C2CD3: variants seen among roughly 807,000 people sequenced by gnomAD.
The protein encoded by C2CD3 is C2 domain-containing protein 3.
A neutral mutation model predicts 234.0 loss-of-function variants in C2CD3; 148 were observed. That is an observed-to-expected ratio of 0.63 (90% CI 0.55 to 0.72). The LOEUF (loss-of-function observed/expected upper bound fraction) is 0.72. Ranked by LOEUF, C2CD3 falls within the 30% of genes least tolerant of loss-of-function variation. The pLI is 0.00. For missense variants in C2CD3, 2,577 were observed against 2,811.5 expected, an observed-to-expected ratio of 0.92 and a Z score of 1.89; for synonymous variants, 1,000 against 1,035.4, an observed-to-expected ratio of 0.97 and a Z score of 0.66.
chr11:74,044,958 T>G (rs976682463), intron 28 of C2CD3, among the ~76,000 whole-genome samples: 2 of 152,148 alleles, frequency 1.3e-5, no homozygotes, highest in Non-Finnish European at 2.9e-5. Flanking sequence ...CTTTTGTTAT[T>G]TGTGCTTTTG....
At chr11:74,140,444 C>T (rs143300735) in intron 3 of C2CD3, among the ~76,000 whole-genome samples, 3 of 152,294 alleles carry the variant, frequency 2.0e-5, no homozygotes, top group African/African-American at 7.2e-5. Context: ...TCACCATTTA[C>T]TGAACCTTTT....
At chr11:74,084,288 T>C (rs1955536076) in intron 22 of C2CD3, among the ~76,000 whole-genome samples, 1 of 152,028 alleles carries the variant, frequency 6.6e-6, no homozygotes, top group Non-Finnish European at 1.5e-5. Flanking sequence ...CCCCAGGGCC[T>C]GTCATGGGGT....
intron 11 of C2CD3, among the ~76,000 whole-genome samples, chr11:74,111,211 C>A (rs1208626189): frequency 6.6e-6 from 1 of 152,124 alleles, no homozygotes; most frequent in African/African-American, 2.4e-5. Flanking sequence ...TTCCTCTTTA[C>A]GTCCTGATAT....
chr11:74,147,314 G>A (rs898293154), intron 3 of C2CD3, among the ~76,000 whole-genome samples: 3 of 152,084 alleles, frequency 2.0e-5, no homozygotes, highest in African/African-American at 7.2e-5. Context: ...CTACTAGGAA[G>A]GCTGTCGTGG....
intron 24 of C2CD3, among the ~76,000 whole-genome samples, chr11:74,066,616 T>G (rs1954554782): frequency 6.6e-6 from 1 of 151,566 alleles, no homozygotes; most frequent in Non-Finnish European, 1.5e-5. Context: ...TGCTTTGATA[T>G]GTTTTCCTCA....
At position 74,084,495 on chromosome 11, in the gene C2CD3, C is replaced by T. The variant is rs182270391; in HGVS notation, c.4000+386G>A. Among the ~76,000 whole-genome samples the T allele has an allele frequency of 3.3e-3, 494 of 151,822 alleles. 3 individuals carry two copies. In the Middle Eastern group the frequency reaches 0.034, roughly 11 times the overall value. ...TTCACCATGTTAGCCAGGCTGGTCT[C>T]GAACTCCTGACCTCAGGTGATCTGC... is the stretch of plus-strand genomic sequence containing the variant. On this transcript the variant is annotated intron_variant, in intron 22 of 32. Coordinates refer to ENST00000334126, the MANE Select transcript of C2CD3 (RefSeq NM_001286577.2).
Position 74,090,906 on chromosome 11 carries a change from C to A in C2CD3, c.3548G>T (p.Arg1183Leu), listed in dbSNP as rs200609720. The change falls in exon 20 of 33, where the codon CGT becomes CTT. Residue 1183 changes from arginine (R) to leucine (L), a missense_variant. Transcript: ENST00000334126. Reference sequence around the variant, plus strand: ...AACTCCCTCTGCTGTTCTTGGACTACGCCTGTACCTTAGGCCCACATCCAG... The same window carrying A: ...AACTCCCTCTGCTGTTCTTGGACTAAGCCTGTACCTTAGGCCCACATCCAG... ...GLLDVGLRYRRSPRTAEGVLA... is the reference protein window; with the variant it reads ...GLLDVGLRYRLSPRTAEGVLA... 1.2e-6 allele frequency: 2 copies of A among 1,613,904 alleles called. No individual in the cohort carries two copies. Among genetic ancestry groups the A allele is most frequent in the South Asian group, 1.1e-5 (1 of 91,086 alleles).
intron 17 of C2CD3, 88 bp downstream of exon 17, chr11:74,095,140 A>G (rs1956059273): frequency 1.1e-6 from 1 of 880,938 alleles, no homozygotes. Flanking sequence ...ATTCAACAAC[A>G]CAAAATTCAC....
At chr11:74,107,016 T>A (rs1956549383) in intron 12 of C2CD3, among the ~76,000 whole-genome samples, 1 of 152,168 alleles carries the variant, frequency 6.6e-6, no homozygotes, top group Non-Finnish European at 1.5e-5. Flanking sequence ...TTTCTGGGAA[T>A]TTGTACTAAA....
chr11:74,036,375 G>A, intron 30 of C2CD3: 3 of 452,368 alleles, frequency 6.6e-6, no homozygotes, highest in Admixed American at 2.4e-5. Context: ...TAACAGAATA[G>A]TGCCTGGCAC....
chr11:74,096,013 T>C (rs1251234372), intron 16 of C2CD3, among the ~76,000 whole-genome samples: 2 of 152,202 alleles, frequency 1.3e-5, no homozygotes, highest in African/African-American at 2.4e-5. Context: ...ACCAGGACTG[T>C]CCAATAATGG....
chr11:74,075,871 C>T (rs1955013419), intron 23 of C2CD3, among the ~76,000 whole-genome samples: 1 of 152,160 alleles, frequency 6.6e-6, no homozygotes, highest in Admixed American at 6.5e-5. Context: ...TCAACAAACA[C>T]ATCAAATGAC....
At position 74,136,711 on chromosome 11, in the gene C2CD3, C is replaced by T. The variant is rs747645113; in HGVS notation, c.955+2009G>A. ...GGCTATCTCTTGCTGCTCCTTTTAC[C>T]AGTCTGGTTACTTTCCTTAGAAGGA... On this transcript the variant is annotated intron_variant, in intron 5 of 32. Transcript: ENST00000334126. Among the ~76,000 whole-genome samples, 102 of 152,094 alleles carry T rather than the reference C, an allele frequency of 6.7e-4. 1 individual carries two copies. The highest frequency in any genetic ancestry group is 3.3e-3 in the Admixed American group (51 of 15,266).
At chr11:74,151,434 C>T (rs911623051) in intron 3 of C2CD3, among the ~76,000 whole-genome samples, 2 of 152,246 alleles carry the variant, frequency 1.3e-5, no homozygotes, top group African/African-American at 4.8e-5. Context: ...TCTCCTGTCT[C>T]AGCCTTCTCA....
chr11:74,102,401 G>C (rs1956349720), intron 14 of C2CD3, among the ~76,000 whole-genome samples: 1 of 152,204 alleles, frequency 6.6e-6, no homozygotes, highest in Non-Finnish European at 1.5e-5. Flanking sequence ...CAGGCAGTTA[G>C]ATACAGAAAT....
At chr11:74,061,015 A>G (rs1382645873) in intron 24 of C2CD3, among the ~76,000 whole-genome samples, 2 of 152,194 alleles carry the variant, frequency 1.3e-5, no homozygotes, top group African/African-American at 4.8e-5. Context: ...CAAGTGGAAG[A>G]AAGGGTATCA....
intron 30 of C2CD3, 142 bp downstream of exon 30, chr11:74,037,336 T>TC: frequency 1.6e-6 from 1 of 639,972 alleles, no homozygotes; most frequent in Non-Finnish European, 2.7e-6. Context: ...GCAAGATGGT[T>TC]AAAAAAAAAA....
chr11:74,168,719 A>T, intron 1 of C2CD3, 106 bp from the exon 2 acceptor site: 1 of 1,031,356 alleles, frequency 9.7e-7, no homozygotes, highest in Non-Finnish European at 1.4e-6. Context: ...TCTTAAGTTC[A>T]GCAATTTATC....
At chr11:74,104,832 T>C (rs1207931285) in intron 13 of C2CD3, among the ~76,000 whole-genome samples, 2 of 152,178 alleles carry the variant, frequency 1.3e-5, no homozygotes, top group African/African-American at 2.4e-5. Context: ...CTATCCAGAA[T>C]AGTATTTCTC....
Sources: gnomAD v4.1 joint callset for allele counts (sites outside exome capture counted in the v4.1 genomes callset) on GRCh38, gnomAD v4.1.1 for gene constraint, MANE v1.5 for transcripts, NCBI Gene and HGNC (gene_info 2026-07-23, HGNC 2026-07-21) for gene names.